SLC51B: variants seen among roughly 807,000 people sequenced by gnomAD.
The protein encoded by SLC51B is organic solute transporter subunit beta.
SLC51B carries 6 observed loss-of-function variants against 8.0 expected under a neutral mutation model. The observed-to-expected ratio is 0.75, with a 90% CI of 0.41 to 1.48. The LOEUF is 1.48. Ranked by LOEUF, SLC51B falls within the 40% of genes most tolerant of loss-of-function variation. The probability of loss-of-function intolerance (pLI) is 0.01; values close to 1 mark genes in which losing one functional copy is unlikely to be tolerated. For missense variants in SLC51B, 150 were observed against 149.7 expected (o/e 1.00, Z -0.01); for synonymous variants, 61 against 54.8 (o/e 1.11, Z -0.50).
intron 3 of SLC51B, among the ~76,000 whole-genome samples, chr15:65,052,064 A>T (rs752838805): frequency 6.6e-6 from 1 of 152,186 alleles, no homozygotes; most frequent in Non-Finnish European, 1.5e-5. Context: ...AATAAAACCA[A>T]TCTGGAGAGA....
At chr15:65,050,631 T>C (rs951702707) in intron 2 of SLC51B, among the ~76,000 whole-genome samples, 3 of 152,042 alleles carry the variant, frequency 2.0e-5, no homozygotes, top group African/African-American at 4.8e-5. Context: ...TGCAAATTAT[T>C]TGGGGGAGGA....
chr15:65,050,111 G>T lies in SLC51B; in HGVS notation c.97+10G>T. The T allele has an allele frequency of 6.4e-7, 1 of 1,550,570 alleles. No individual in the cohort carries two copies. Among genetic ancestry groups the T allele is most frequent in the South Asian group, 1.2e-5 (1 of 83,950 alleles). On this transcript the variant is annotated intron_variant, in intron 2 of 3. Coordinates refer to ENST00000334287, the MANE Select transcript of SLC51B (RefSeq NM_178859.4). ...TTTCGTGTGGAAGATGGTAAGTGGTGAGAGATTGACGGCAGGGGTGGGGGT... is the reference window on the plus strand; with the variant it reads ...TTTCGTGTGGAAGATGGTAAGTGGTTAGAGATTGACGGCAGGGGTGGGGGT...
intron 2 of SLC51B, 89 bp from the exon 3 acceptor site, chr15:65,051,426 G>C: frequency 4.0e-6 from 5 of 1,246,640 alleles, no homozygotes; most frequent in Non-Finnish European, 5.9e-6. Flanking sequence ...GATGCTGTAA[G>C]CTGGGTCTGA....
intron 2 of SLC51B, 77 bp downstream of exon 2, chr15:65,050,178 C>A: frequency 8.7e-7 from 1 of 1,144,564 alleles, no homozygotes; most frequent in Non-Finnish European, 1.3e-6. Context: ...AAGGTCCTGA[C>A]ACTGTCGTCC....
At chr15:65,050,836 C>CTTTTTTTTTTTTTTTT (rs57404080) in intron 2 of SLC51B, among the ~76,000 whole-genome samples, 1 of 95,650 alleles carries the variant, frequency 1.0e-5, no homozygotes, top group Non-Finnish European at 1.9e-5. Flanking sequence ...TCTTCTTCTT[C>CTTTTTTTTTTTTTTTT]TTTTTTTTTT....
chr15:65,053,236 C>T lies in SLC51B; in HGVS notation c.*72C>T, dbSNP rs2086679318. ...CTCAGCTCAGTGGCCTGAAACCTCT[C>T]AGGTTTTAGAGTCTCTCCCAAGAAG... On this transcript the variant is annotated 3_prime_UTR_variant, in exon 4 of 4. Transcript: ENST00000334287. 6.4e-7 allele frequency: 1 copy of T among 1,556,354 alleles called. No homozygotes were observed. The highest frequency in any genetic ancestry group is 1.4e-5 in the African/African-American group (1 of 72,544).
intron 1 of SLC51B, among the ~76,000 whole-genome samples, chr15:65,045,880 C>T (rs1054466538): frequency 6.6e-6 from 1 of 152,204 alleles, no homozygotes; most frequent in African/African-American, 2.4e-5. Context: ...AGAAATATGT[C>T]TTTGGCCGGG....
chr15:65,052,133 G>A (rs879711819), intron 3 of SLC51B, among the ~76,000 whole-genome samples: 1 of 152,204 alleles, frequency 6.6e-6, no homozygotes, highest in Non-Finnish European at 1.5e-5. Flanking sequence ...AAGGTGGTTG[G>A]GGGAGGGGAG....
intron 1 of SLC51B, 101 bp from the exon 2 acceptor site, chr15:65,049,796 T>G (rs2140506041): frequency 4.8e-3 from 1,656 of 344,012 alleles, no homozygotes; most frequent in East Asian, 7.2e-3. Context: ...TTCGGGTCGT[T>G]TTTGTCCCAT....
intron 1 of SLC51B, among the ~76,000 whole-genome samples, chr15:65,047,801 A>C (rs1447392566): frequency 1.6e-5 from 1 of 60,988 alleles, no homozygotes; most frequent in African/African-American, 5.3e-5. Context: ...TAGATGATAG[A>C]TAGATAGATA....
intron 2 of SLC51B, among the ~76,000 whole-genome samples, chr15:65,051,184 G>A (rs1179507537): frequency 6.6e-6 from 1 of 152,078 alleles, no homozygotes; most frequent in African/African-American, 2.4e-5. Flanking sequence ...AGCCCAGGCT[G>A]GCAAAACTGA....
At chr15:65,049,869 C>A in intron 1 of SLC51B, 28 bp from the exon 2 acceptor site, 2 of 516,472 alleles carry the variant, frequency 3.9e-6, no homozygotes, top group Non-Finnish European at 6.7e-6. Flanking sequence ...GGTGGGATAT[C>A]CAGTCATGCT....
Position 65,053,227 on chromosome 15 carries a change from G to T in SLC51B, c.*63G>T. The T allele has an allele frequency of 6.4e-7, 1 of 1,573,776 alleles. No individual in the cohort carries two copies. Among genetic ancestry groups the T allele is most frequent in the South Asian group, 1.2e-5 (1 of 85,978 alleles). On this transcript the variant is annotated 3_prime_UTR_variant, in exon 4 of 4. Transcript: ENST00000334287. ...TGATGTGGGCTCAGCTCAGTGGCCT[G>T]AAACCTCTCAGGTTTTAGAGTCTCT...
At chr15:65,051,236 C>T (rs938615642) in intron 2 of SLC51B, among the ~76,000 whole-genome samples, 3 of 152,180 alleles carry the variant, frequency 2.0e-5, no homozygotes, top group African/African-American at 4.8e-5. Flanking sequence ...TCCTGCCCTC[C>T]GTAGGCCTCT....
intron 3 of SLC51B, 33 bp from the exon 4 acceptor site, chr15:65,052,933 C>A: frequency 7.4e-7 from 1 of 1,359,624 alleles, no homozygotes; most frequent in Non-Finnish European, 1.0e-6. Context: ...ACCACTCAGC[C>A]CCCCTCATTA....
chr15:65,049,953 T>TG lies in SLC51B; in HGVS notation c.-48dup. ...GAACCGAGGAGGCCAGGAGGGCTGC[T>TG]GGGGCTAAGGGGTCTAAGGACCTCG... is the stretch of plus-strand genomic sequence containing the variant. On this transcript the variant is annotated 5_prime_UTR_variant, in exon 2 of 4. Coordinates refer to ENST00000334287, the MANE Select transcript of SLC51B (RefSeq NM_178859.4). 1.4e-6 allele frequency: 2 copies of TG among 1,447,588 alleles called. No homozygotes were observed. The highest frequency in any genetic ancestry group is 1.4e-5 in the African/African-American group (1 of 70,726). The allele number at this position is 1,447,588 out of a possible 1,614,324, so 89.7% of individuals were successfully genotyped here.
At chr15:65,046,027 C>T (rs372355449) in intron 1 of SLC51B, among the ~76,000 whole-genome samples, 4 of 152,056 alleles carry the variant, frequency 2.6e-5, no homozygotes, top group African/African-American at 9.7e-5. Flanking sequence ...TGGCCGGGTG[C>T]GGTGGCTCAT....
chr15:65,050,836 C>CTTTTTTTTTTTTTTT (rs57404080), intron 2 of SLC51B, among the ~76,000 whole-genome samples: 1 of 95,650 alleles, frequency 1.0e-5, no homozygotes, highest in Non-Finnish European at 1.9e-5. Context: ...TCTTCTTCTT[C>CTTTTTTTTTTTTTTT]TTTTTTTTTT....
chr15:65,049,905 A>T lies in SLC51B; in HGVS notation c.-100A>T, dbSNP rs538916989. On this transcript the variant is annotated 5_prime_UTR_variant, in exon 2 of 4. Transcript: ENST00000334287. ...GTCTGCTTTGTTTCCAGGGGTCTTC[A>T]CGGCTTCTCTGCCCAGGGGCCAGAA... 2.1e-4 allele frequency: 174 copies of T among 812,296 alleles called. No individual in the cohort carries two copies. The African/African-American group carries it at 2.9e-3, about 14-fold the overall frequency. 50.3% of individuals were successfully genotyped at this position (812,296 alleles called of 1,614,324 possible).
Sources: allele counts gnomAD v4.1 joint callset (sites outside exome capture counted in the v4.1 genomes callset), GRCh38; gene constraint gnomAD v4.1.1; transcripts MANE v1.5; gene names NCBI Gene and HGNC (gene_info 2026-07-23, HGNC 2026-07-21).